The following RSU1 variants were observed in gnomAD, a reference collection of about 807,000 sequenced individuals.
The protein encoded by RSU1 is Ras suppressor protein 1.
A neutral mutation model predicts 31.1 loss-of-function variants in RSU1; 26 were observed. That is an observed-to-expected ratio of 0.84 (90% CI 0.61 to 1.16). The LOEUF (loss-of-function observed/expected upper bound fraction) is 1.16. Ranked by LOEUF, RSU1 falls within the 50% of genes most tolerant of loss-of-function variation. The pLI, the probability that RSU1 is intolerant of heterozygous loss-of-function variation, is 0.00. For missense variants in RSU1, 320 were observed against 339.1 expected, an observed-to-expected ratio of 0.94 and a Z score of 0.44; for synonymous variants, 164 against 136.3, an observed-to-expected ratio of 1.20 and a Z score of -1.41.
intron 3 of RSU1, among the ~76,000 whole-genome samples, chr10:16,768,490 C>G (rs987178024): frequency 6.0e-5 from 9 of 149,826 alleles, no homozygotes; most frequent in Non-Finnish European, 2.9e-5. Context: ...CGGGAACAGT[C>G]CCAGAGGACT....
intron 7 of RSU1, among the ~76,000 whole-genome samples, chr10:16,711,791 T>C (rs200376725): frequency 6.6e-6 from 1 of 152,226 alleles, no homozygotes; most frequent in African/African-American, 2.4e-5. Flanking sequence ...AAGATTTGTT[T>C]TGTGGCCTAG....
At position 16,631,952 on chromosome 10, in the gene RSU1, T is replaced by C. The variant is rs767263522; in HGVS notation, c.732-38456A>G. 5.9e-5 allele frequency among the ~76,000 whole-genome samples: 9 copies of C among 152,310 alleles called. No individual in the cohort carries two copies. In the East Asian group the frequency reaches 7.7e-4, roughly 13 times the overall value. On this transcript the variant is annotated intron_variant, in intron 8 of 8. Transcript: ENST00000345264. ...GACCTGATGTTCATGGCAAATGTGA[T>C]TGATTCTGGAAGAGTCCGTAGAGTC...
intron 2 of RSU1, among the ~76,000 whole-genome samples, chr10:16,804,959 C>G (rs1263399011): frequency 2.6e-5 from 4 of 152,066 alleles, no homozygotes; most frequent in Admixed American, 2.6e-4. Context: ...TACAGTGAAC[C>G]CTGATGTTAG....
chr10:16,695,204 C>A, intron 7 of RSU1, 49 bp from the exon 8 acceptor site: 1 of 1,569,418 alleles, frequency 6.4e-7, no homozygotes, highest in South Asian at 1.2e-5. Context: ...CAATACAGAT[C>A]AGGTCTAAGA....
At chr10:16,728,828 G>A (rs964123439) in intron 7 of RSU1, among the ~76,000 whole-genome samples, 2 of 152,194 alleles carry the variant, frequency 1.3e-5, no homozygotes, top group Admixed American at 6.5e-5. Flanking sequence ...GAAGGAAGGG[G>A]CTGTAAGCCA....
chr10:16,724,214 A>T (rs1444914539), intron 7 of RSU1, among the ~76,000 whole-genome samples: 4 of 152,226 alleles, frequency 2.6e-5, no homozygotes, highest in African/African-American at 7.2e-5. Flanking sequence ...AAGTGCTGGG[A>T]TTACAGGCAT....
chr10:16,814,460 A>AAG (rs1347910555), intron 2 of RSU1, among the ~76,000 whole-genome samples: 1 of 144,234 alleles, frequency 6.9e-6, no homozygotes, highest in East Asian at 2.3e-4. Context: ...GGAAAAAAAA[A>AAG]AAAAAAAAGA....
At chr10:16,770,538 C>A (rs1479022009) in intron 3 of RSU1, among the ~76,000 whole-genome samples, 1 of 152,188 alleles carries the variant, frequency 6.6e-6, no homozygotes, top group African/African-American at 2.4e-5. Context: ...TGCACTACAC[C>A]CAACTGTTTT....
chr10:16,741,869 G>C (rs891619859), intron 7 of RSU1, among the ~76,000 whole-genome samples: 1 of 152,150 alleles, frequency 6.6e-6, no homozygotes, highest in African/African-American at 2.4e-5. Context: ...CATTCTAGCA[G>C]CCATTTTGTA....
chr10:16,632,360 T>C lies in RSU1; in HGVS notation c.732-38864A>G, dbSNP rs573324804. Among the ~76,000 whole-genome samples the C allele has an allele frequency of 3.3e-5, 5 of 152,292 alleles. No individual in the cohort carries two copies. In the South Asian group the frequency reaches 1.0e-3, roughly 32 times the overall value. ...ACAAGGCCTTTTAAAACTCTTTGATTGGGACTCCGTGCTGTCTTCTCCTCT... is the reference window on the plus strand; with the variant it reads ...ACAAGGCCTTTTAAAACTCTTTGATCGGGACTCCGTGCTGTCTTCTCCTCT... On this transcript the variant is annotated intron_variant, in intron 8 of 8. Transcript: ENST00000345264.
chr10:16,752,280 G>A lies in RSU1; in HGVS notation c.598+259C>T, dbSNP rs544758048. Among the ~76,000 whole-genome samples the A allele has an allele frequency of 8.5e-5, 13 of 152,272 alleles. No homozygotes were observed. The South Asian group carries it at 2.1e-3, about 24-fold the overall frequency. On this transcript the variant is annotated intron_variant, in intron 7 of 8. Coordinates refer to ENST00000345264, the MANE Select transcript of RSU1 (RefSeq NM_012425.4). ...TCCCATGCTTTTCCCACTACATCAC[G>A]CAGGGAGCTGAGCGGGGTCATCTTT... is the stretch of plus-strand genomic sequence containing the variant.
intron 7 of RSU1, among the ~76,000 whole-genome samples, chr10:16,725,986 T>C (rs746418877): frequency 1.4e-4 from 21 of 151,632 alleles, no homozygotes; most frequent in Non-Finnish European, 2.6e-4. Context: ...GTTATATATG[T>C]ATAAAACATA....
At chr10:16,634,482 G>A (rs148832578) in intron 8 of RSU1, among the ~76,000 whole-genome samples, 2 of 152,282 alleles carry the variant, frequency 1.3e-5, no homozygotes, top group African/African-American at 4.8e-5. Context: ...TTACACACGA[G>A]TAGAGTCCTG....
intron 2 of RSU1, among the ~76,000 whole-genome samples, chr10:16,815,506 G>A (rs976970162): frequency 5.3e-5 from 8 of 152,228 alleles, no homozygotes; most frequent in Non-Finnish European, 5.9e-5. Context: ...ACATCCTGGA[G>A]TTGATATCCC....
intron 8 of RSU1, among the ~76,000 whole-genome samples, chr10:16,629,387 C>T (rs1303041927): frequency 6.6e-6 from 1 of 152,122 alleles, no homozygotes; most frequent in Non-Finnish European, 1.5e-5. Flanking sequence ...AAAGGTGCAG[C>T]TTCCTTTCTG....
chr10:16,661,327 TGTAA>T (rs1226843817), intron 8 of RSU1, among the ~76,000 whole-genome samples: 3 of 148,952 alleles, frequency 2.0e-5, no homozygotes, highest in Non-Finnish European at 4.5e-5. Flanking sequence ...TGTGTGTGTG[TGTAA>T]GTATTTATGA....
chr10:16,756,298 T>C (rs1837084742), intron 4 of RSU1, among the ~76,000 whole-genome samples: 2 of 152,148 alleles, frequency 1.3e-5, no homozygotes, highest in Admixed American at 1.3e-4. Context: ...CACTGAACTG[T>C]CTACTACAAA....
intron 8 of RSU1, among the ~76,000 whole-genome samples, chr10:16,622,477 G>A (rs1834087045): frequency 6.6e-6 from 1 of 152,176 alleles, no homozygotes; most frequent in African/African-American, 2.4e-5. Flanking sequence ...AAGTGCTCAT[G>A]TGGAAAAACA....
Position 16,661,285 on chromosome 10 carries a change from TGC to T in RSU1, c.731+33736_731+33737del, listed in dbSNP as rs1433237021. On this transcript the variant is annotated intron_variant, in intron 8 of 8. Coordinates refer to ENST00000345264, the MANE Select transcript of RSU1 (RefSeq NM_012425.4). ...GAGTGTATGTGTGATATGTAGAGAGTGCGTGTGTGTGTGTGTGTGTGTGTGTG... is the reference window on the plus strand; with the variant it reads ...GAGTGTATGTGTGATATGTAGAGAGTGTGTGTGTGTGTGTGTGTGTGTGTG... Among the ~76,000 whole-genome samples the T allele has an allele frequency of 8.9e-4, 92 of 103,196 alleles. 1 individual carries two copies. Among genetic ancestry groups the T allele is most frequent in the African/African-American group, 5.0e-3 (81 of 16,128 alleles). 67.7% of individuals were successfully genotyped at this position (103,196 alleles called of 152,430 possible). A position where few individuals can be genotyped will look rare whatever the true frequency, so the allele number is the denominator to read the frequency against.
Sources: gnomAD v4.1 joint callset for allele counts (sites outside exome capture counted in the v4.1 genomes callset) on GRCh38, gnomAD v4.1.1 for gene constraint, MANE v1.5 for transcripts, NCBI Gene and HGNC (gene_info 2026-07-23, HGNC 2026-07-21) for gene names.